CPQ: variants seen among roughly 807,000 people sequenced by gnomAD.
CPQ encodes the protein carboxypeptidase Q, also known as Ser-Met dipeptidase.
In CPQ, 37 loss-of-function variants were observed where a neutral mutation model predicts 45.7. The ratio of observed to expected loss-of-function variants is 0.81; its 90% CI spans 0.62 to 1.07. The LOEUF (loss-of-function observed/expected upper bound fraction) is 1.07, where lower values mean the gene tolerates loss of function less well. Among genes scored for constraint, CPQ ranks in the 50% least tolerant of loss-of-function variants. CPQ has a pLI of 0.00. For synonymous variants in CPQ, 186 were observed against 205.8 expected (o/e 0.90, Z 0.82); for missense variants, 537 against 572.9 (o/e 0.94, Z 0.64).
intron 3 of CPQ, among the ~76,000 whole-genome samples, chr8:96,854,996 G>A (rs1171018382): frequency 6.6e-6 from 1 of 152,086 alleles, no homozygotes; most frequent in Non-Finnish European, 1.5e-5. Context: ...TGCAATTTTT[G>A]GGGTCCATAT....
intron 5 of CPQ, among the ~76,000 whole-genome samples, chr8:97,007,022 A>T (rs747569493): frequency 7.9e-5 from 12 of 152,230 alleles, no homozygotes; most frequent in Non-Finnish European, 1.8e-4. Flanking sequence ...AGAAACATAA[A>T]AGAAAACCAG....
chr8:96,670,332 T>A (rs1347708460), intron 1 of CPQ, among the ~76,000 whole-genome samples: 1 of 151,338 alleles, frequency 6.6e-6, no homozygotes, highest in Admixed American at 6.6e-5. Flanking sequence ...TTTTTTTTTT[T>A]TTTTTGGCTG....
intron 6 of CPQ, among the ~76,000 whole-genome samples, chr8:97,046,811 T>C (rs1450594983): frequency 6.6e-6 from 1 of 152,224 alleles, no homozygotes; most frequent in African/African-American, 2.4e-5. Context: ...GAAAATACTT[T>C]ATTATAACTC....
chr8:96,871,749 C>G lies in CPQ; in HGVS notation c.642-8049C>G, dbSNP rs533260528. Among the ~76,000 whole-genome samples, 73 of 151,840 alleles carry G rather than the reference C, an allele frequency of 4.8e-4. 1 individual carries two copies. The Middle Eastern group carries it at 0.02, about 42-fold the overall frequency. On this transcript the variant is annotated intron_variant, in intron 3 of 7. Coordinates refer to ENST00000220763, the MANE Select transcript of CPQ (RefSeq NM_016134.4). The stretch of plus-strand genomic sequence containing the variant: ...ACTGTGTTCAGTTATTTTCTTTGAA[C>G]TTAACATTATTTCATCTACATTTCT...
intron 7 of CPQ, among the ~76,000 whole-genome samples, chr8:97,087,393 C>T (rs925865705): frequency 4.0e-5 from 6 of 149,440 alleles, no homozygotes; most frequent in African/African-American, 1.3e-4. Flanking sequence ...ATACTTCTCC[C>T]AGGTGCCGAC....
intron 1 of CPQ, among the ~76,000 whole-genome samples, chr8:96,717,046 T>C (rs542852823): frequency 3.2e-5 from 2 of 63,464 alleles, no homozygotes; most frequent in African/African-American, 1.4e-4. Context: ...TATATATATA[T>C]ATATATATAT....
intron 4 of CPQ, among the ~76,000 whole-genome samples, chr8:96,917,894 A>G (rs533762363): frequency 3.3e-4 from 50 of 152,166 alleles, no homozygotes; most frequent in African/African-American, 1.0e-3. Flanking sequence ...GCATAGATGT[A>G]TTGTTTCAGA....
chr8:96,920,093 G>A (rs7002312), intron 4 of CPQ, among the ~76,000 whole-genome samples: 90,876 of 151,972 alleles, frequency 0.6, 27,416 homozygotes, highest in Middle Eastern at 0.67. Flanking sequence ...CTTTCAATAA[G>A]TGTTACCTTC....
chr8:96,769,271 C>G (rs947616274), intron 1 of CPQ, among the ~76,000 whole-genome samples: 7 of 152,160 alleles, frequency 4.6e-5, no homozygotes, highest in Non-Finnish European at 8.8e-5. Flanking sequence ...GTTAGAATCC[C>G]TTTTCCTTTC....
At chr8:97,130,376 G>A (rs1811928982) in intron 7 of CPQ, among the ~76,000 whole-genome samples, 1 of 147,234 alleles carries the variant, frequency 6.8e-6, no homozygotes, top group Non-Finnish European at 1.5e-5. Context: ...CTAATGGCAT[G>A]TTACCCGACA....
intron 2 of CPQ, among the ~76,000 whole-genome samples, chr8:96,787,806 T>C (rs2130811583): frequency 6.6e-6 from 1 of 151,802 alleles, no homozygotes; most frequent in South Asian, 2.1e-4. Flanking sequence ...TTGAGAAATG[T>C]ATCTGTTTTA....
chr8:96,672,135 G>A (rs1430420536), intron 1 of CPQ, among the ~76,000 whole-genome samples: 3 of 152,066 alleles, frequency 2.0e-5, no homozygotes. Context: ...AAGCTTCATG[G>A]GCTTCTTAAA....
Position 96,735,208 on chromosome 8 carries a change from C to T in CPQ, c.-34-49656C>T, listed in dbSNP as rs887591783. On this transcript the variant is annotated intron_variant, in intron 1 of 7. Coordinates refer to ENST00000220763, the MANE Select transcript of CPQ (RefSeq NM_016134.4). Reference sequence around the variant, plus strand: ...TGTCTCCACTGATGTAAGCTTCATACAAATAGAGAACCAAATCTCCCTTGT... The same window carrying T: ...TGTCTCCACTGATGTAAGCTTCATATAAATAGAGAACCAAATCTCCCTTGT... Among the ~76,000 whole-genome samples, 3 of 152,174 alleles carry T rather than the reference C, an allele frequency of 2.0e-5. No individual in the cohort carries two copies. The South Asian group carries it at 6.2e-4, about 31-fold the overall frequency.
At chr8:97,037,347 T>A (rs143328864) in intron 6 of CPQ, among the ~76,000 whole-genome samples, 2 of 152,376 alleles carry the variant, frequency 1.3e-5, no homozygotes, top group South Asian at 4.1e-4. Flanking sequence ...ATTATACTCA[T>A]GTTGAGCTCT....
intron 4 of CPQ, among the ~76,000 whole-genome samples, chr8:96,937,057 T>A (rs1035738888): frequency 3.3e-5 from 5 of 152,140 alleles, no homozygotes; most frequent in Non-Finnish European, 7.4e-5. Context: ...ACTCCTACTC[T>A]ATGTCATTGT....
At chr8:96,687,745 C>A (rs895410149) in intron 1 of CPQ, among the ~76,000 whole-genome samples, 1 of 152,052 alleles carries the variant, frequency 6.6e-6, no homozygotes, top group Non-Finnish European at 1.5e-5. Flanking sequence ...TGATGCAAAA[C>A]TTAACAGAAT....
chr8:96,792,684 T>C (rs187636471), intron 2 of CPQ, among the ~76,000 whole-genome samples: 119 of 152,308 alleles, frequency 7.8e-4, no homozygotes, highest in Non-Finnish European at 1.4e-3. Context: ...TAGTTACTCA[T>C]TTAGTTTACT....
At chr8:96,995,166 A>T (rs377464288) in intron 5 of CPQ, among the ~76,000 whole-genome samples, 2 of 152,258 alleles carry the variant, frequency 1.3e-5, no homozygotes, top group South Asian at 2.1e-4. Flanking sequence ...TTACCAACTA[A>T]TCTCTGCCTC....
chr8:96,996,155 G>A (rs768660162), intron 5 of CPQ, among the ~76,000 whole-genome samples: 17 of 152,020 alleles, frequency 1.1e-4, no homozygotes, highest in Non-Finnish European at 2.1e-4. Flanking sequence ...AGCAATTGAG[G>A]GCTTTTGCTG....
Sources: allele counts gnomAD v4.1 joint callset (sites outside exome capture counted in the v4.1 genomes callset), GRCh38; gene constraint gnomAD v4.1.1; transcripts MANE v1.5; gene names NCBI Gene and HGNC (gene_info 2026-07-23, HGNC 2026-07-21).